The following KCNIP4 variants were observed in gnomAD, a reference collection of about 807,000 sequenced individuals.
KCNIP4 encodes potassium voltage-gated channel interacting protein 4.
In KCNIP4, 12 loss-of-function variants were observed where a neutral mutation model predicts 34.0. The ratio of observed to expected loss-of-function variants is 0.35; its 90% CI spans 0.23 to 0.57. KCNIP4 has a LOEUF of 0.57. Ranked by LOEUF, KCNIP4 falls within the 20% of genes least tolerant of loss-of-function variation. The pLI is 0.83. For synonymous variants in KCNIP4, 124 were observed against 102.2 expected, an observed-to-expected ratio of 1.21 and a Z score of -1.29; for missense variants, 238 against 311.7, an observed-to-expected ratio of 0.76 and a Z score of 1.78.
At chr4:20,836,045 A>G (rs763376740) in intron 3 of KCNIP4, among the ~76,000 whole-genome samples, 9 of 152,160 alleles carry the variant, frequency 5.9e-5, no homozygotes, top group Non-Finnish European at 5.9e-5. Context: ...TTTTTCCTCC[A>G]TGACCAAATC....
chr4:20,853,590 C>G (rs1721265360), intron 2 of KCNIP4, among the ~76,000 whole-genome samples: 1 of 150,170 alleles, frequency 6.7e-6, no homozygotes, highest in Admixed American at 6.8e-5. Context: ...AGGCAAGGAT[C>G]TCATGACCAA....
At position 20,887,346 on chromosome 4, in the gene KCNIP4, CAT is replaced by C. The variant is rs570375097; in HGVS notation, c.62-4639_62-4638del. On this transcript the variant is annotated intron_variant, in intron 1 of 8. Transcript: ENST00000382152. ...AAGCAATAATGACCAAAATATTCCA[CAT>C]ATGTTTTAAAACACAAGTGAAATCT... is the stretch of plus-strand genomic sequence containing the variant. Among the ~76,000 whole-genome samples, 258 of 151,526 alleles carry C rather than the reference CAT, an allele frequency of 1.7e-3. 1 individual carries two copies. The highest frequency in any genetic ancestry group is 6.8e-3 in the Middle Eastern group (2 of 294).
chr4:21,097,405 C>T (rs758603424), intron 1 of KCNIP4, among the ~76,000 whole-genome samples: 2 of 151,982 alleles, frequency 1.3e-5, no homozygotes, highest in Non-Finnish European at 2.9e-5. Flanking sequence ...CTTGCAGATA[C>T]CACATTTTTT....
intron 1 of KCNIP4, among the ~76,000 whole-genome samples, chr4:20,996,773 T>TA (rs397815822): frequency 2.0e-5 from 3 of 151,966 alleles, no homozygotes; most frequent in Admixed American, 6.6e-5. Flanking sequence ...TTCTTTTTTT[T>TA]AAATGCCTCT....
intron 1 of KCNIP4, among the ~76,000 whole-genome samples, chr4:21,806,929 A>G (rs1189530261): frequency 6.6e-6 from 1 of 152,012 alleles, no homozygotes; most frequent in Non-Finnish European, 1.5e-5. Context: ...CTTTATTTCT[A>G]TTATTATTAC....
At chr4:21,331,801 A>T (rs1318402232) in intron 1 of KCNIP4, among the ~76,000 whole-genome samples, 1 of 152,046 alleles carries the variant, frequency 6.6e-6, no homozygotes, top group Non-Finnish European at 1.5e-5. Flanking sequence ...TTAGACGTTT[A>T]TCAGTTTCTT....
chr4:20,958,039 C>T (rs1733487511), intron 1 of KCNIP4, among the ~76,000 whole-genome samples: 1 of 152,162 alleles, frequency 6.6e-6, no homozygotes, highest in Admixed American at 6.5e-5. Flanking sequence ...ATCATCGAGC[C>T]AGGCAAGGAT....
At chr4:21,501,866 G>T (rs1004681049) in intron 1 of KCNIP4, among the ~76,000 whole-genome samples, 7 of 150,858 alleles carry the variant, frequency 4.6e-5, no homozygotes, top group Admixed American at 4.0e-4. Flanking sequence ...ATTTCCCCTT[G>T]CTGACAATTT....
At chr4:21,940,577 C>A (rs182601589) in intron 1 of KCNIP4, among the ~76,000 whole-genome samples, 21 of 152,220 alleles carry the variant, frequency 1.4e-4, no homozygotes, top group Non-Finnish European at 2.6e-4. Flanking sequence ...CGTCCCAATA[C>A]TAAGTAGTTT....
intron 3 of KCNIP4, among the ~76,000 whole-genome samples, chr4:20,806,704 C>T (rs1324844468): frequency 6.6e-6 from 1 of 151,850 alleles, no homozygotes. Flanking sequence ...ATCTGAAAAA[C>T]CTGAAAATAC....
intron 1 of KCNIP4, among the ~76,000 whole-genome samples, chr4:21,011,403 A>G (rs1333003911): frequency 1.3e-5 from 2 of 152,198 alleles, no homozygotes; most frequent in Non-Finnish European, 2.9e-5. Flanking sequence ...AGGGTCTGGG[A>G]TACTTGGACA....
intron 1 of KCNIP4, among the ~76,000 whole-genome samples, chr4:20,976,015 C>T (rs973713541): frequency 2.0e-5 from 3 of 152,092 alleles, no homozygotes; most frequent in Non-Finnish European, 2.9e-5. Context: ...ACTGCATGGC[C>T]CACAAAACCC....
intron 1 of KCNIP4, among the ~76,000 whole-genome samples, chr4:20,909,512 A>G (rs1479868574): frequency 6.6e-6 from 1 of 152,168 alleles, no homozygotes; most frequent in Non-Finnish European, 1.5e-5. Flanking sequence ...CATCCCCCAA[A>G]GCACCCAGTG....
intron 1 of KCNIP4, among the ~76,000 whole-genome samples, chr4:21,871,790 C>G (rs563324387): frequency 4.8e-5 from 7 of 145,756 alleles, no homozygotes; most frequent in African/African-American, 1.8e-4. Context: ...CCCCACCCCC[C>G]GCCTTACCCC....
At chr4:21,458,196 A>G (rs2109765998) in intron 1 of KCNIP4, among the ~76,000 whole-genome samples, 1 of 129,372 alleles carries the variant, frequency 7.7e-6, no homozygotes, top group East Asian at 2.4e-4. Context: ...TCCTGTGTCC[A>G]TGTGATCTCA....
At position 21,118,831 on chromosome 4, in the gene KCNIP4, C is replaced by A. The variant is rs572101442; in HGVS notation, c.62-236122G>T. On this transcript the variant is annotated intron_variant, in intron 1 of 8. Transcript: ENST00000382152. ...GAGGGAATGGCACCTGCATCAAATCCAGACAGATCAACCCAAGGAGACAGA... is the reference window on the plus strand; with the variant it reads ...GAGGGAATGGCACCTGCATCAAATCAAGACAGATCAACCCAAGGAGACAGA... Among the ~76,000 whole-genome samples, 3 of 152,176 alleles carry A rather than the reference C, an allele frequency of 2.0e-5. No homozygotes were observed. The East Asian group carries it at 5.8e-4, about 30-fold the overall frequency.
chr4:21,299,855 T>C (rs1764057952), intron 1 of KCNIP4, among the ~76,000 whole-genome samples: 1 of 152,196 alleles, frequency 6.6e-6, no homozygotes, highest in Non-Finnish European at 1.5e-5. Context: ...CATCTTTGTG[T>C]ATACAGCTAA....
At chr4:21,906,530 G>A (rs1019070201) in intron 1 of KCNIP4, among the ~76,000 whole-genome samples, 13 of 152,098 alleles carry the variant, frequency 8.5e-5, no homozygotes, top group African/African-American at 3.1e-4. Context: ...AGCCCATGCT[G>A]GCACCTTGAT....
rs544709630 is a variant in KCNIP4 at position 21,258,401 on chromosome 4, C to T, written c.62-375692G>A. Among the ~76,000 whole-genome samples the T allele has an allele frequency of 2.6e-5, 4 of 152,214 alleles. No individual in the cohort carries two copies. The East Asian group carries it at 5.8e-4, about 22-fold the overall frequency. ...GCAAATTTACTTTATCATGTATGTA[C>T]GCGTGGAAACCAGAATACTACGTGA... is the stretch of plus-strand genomic sequence containing the variant. On this transcript the variant is annotated intron_variant, in intron 1 of 8. Coordinates refer to ENST00000382152, the MANE Select transcript of KCNIP4 (RefSeq NM_025221.6).
Sources: allele counts gnomAD v4.1 joint callset (sites outside exome capture counted in the v4.1 genomes callset), GRCh38; gene constraint gnomAD v4.1.1; transcripts MANE v1.5; gene names NCBI Gene and HGNC (gene_info 2026-07-23, HGNC 2026-07-21).